The following CCDC178 variants were observed in gnomAD, a reference collection of about 807,000 sequenced individuals.
CCDC178 encodes coiled-coil domain containing 178, also known as coiled-coil domain-containing protein 178.
A neutral mutation model predicts 117.4 loss-of-function variants in CCDC178; 126 were observed. The observed-to-expected ratio is 1.07, with a 90% CI of 0.93 to 1.24. CCDC178 has a LOEUF of 1.24. Among genes scored for constraint, CCDC178 ranks in the 50% most tolerant of loss-of-function variants. The probability of loss-of-function intolerance (pLI) is 0.00; values close to 1 mark genes in which losing one functional copy is unlikely to be tolerated. For missense variants in CCDC178, 1,030 were observed against 986.9 expected, an observed-to-expected ratio of 1.04 and a Z score of -0.59; for synonymous variants, 283 against 313.4, an observed-to-expected ratio of 0.90 and a Z score of 1.02.
chr18:33,290,191 A>G (rs991867479), intron 12 of CCDC178, among the ~76,000 whole-genome samples: 2 of 152,182 alleles, frequency 1.3e-5, no homozygotes, highest in Non-Finnish European at 2.9e-5. Context: ...GTATGCCCAA[A>G]CCAGAGAAAA....
intron 9 of CCDC178, among the ~76,000 whole-genome samples, chr18:33,342,481 C>T (rs2062829221): frequency 6.6e-6 from 1 of 152,166 alleles, no homozygotes. Flanking sequence ...TGTGTCCCCA[C>T]CCAATCTCAA....
intron 12 of CCDC178, among the ~76,000 whole-genome samples, chr18:33,289,897 C>A (rs1210624810): frequency 6.6e-6 from 1 of 152,156 alleles, no homozygotes; most frequent in Middle Eastern, 3.2e-3. Flanking sequence ...TGCTTAACAT[C>A]TGTCAAGTGA....
intron 12 of CCDC178, among the ~76,000 whole-genome samples, chr18:33,278,947 A>G: frequency 6.6e-6 from 1 of 152,152 alleles, no homozygotes; most frequent in Non-Finnish European, 1.5e-5. Flanking sequence ...TATTGATGGG[A>G]TGTATCTCAA....
chr18:33,233,609 G>A (rs1219411033), intron 15 of CCDC178, among the ~76,000 whole-genome samples: 4 of 151,796 alleles, frequency 2.6e-5, no homozygotes, highest in Admixed American at 2.6e-4. Context: ...GAACAACAAA[G>A]GTAGCCTCAC....
intron 21 of CCDC178, among the ~76,000 whole-genome samples, chr18:33,037,751 T>A (rs1001774423): frequency 7.9e-5 from 12 of 151,960 alleles, no homozygotes; most frequent in African/African-American, 2.9e-4. Flanking sequence ...GTGATACTTA[T>A]AAATTTTCGA....
At chr18:33,279,983 T>C (rs1182477912) in intron 12 of CCDC178, among the ~76,000 whole-genome samples, 1 of 151,782 alleles carries the variant, frequency 6.6e-6, no homozygotes, top group African/African-American at 2.4e-5. Flanking sequence ...ATATTAGACC[T>C]AAAACCATAA....
At chr18:33,237,777 A>C (rs2059442796) in intron 15 of CCDC178, among the ~76,000 whole-genome samples, 1 of 146,186 alleles carries the variant, frequency 6.8e-6, no homozygotes, top group African/African-American at 2.7e-5. Flanking sequence ...AGACTGAAAA[A>C]AACAAAAAAA....
intron 20 of CCDC178, among the ~76,000 whole-genome samples, chr18:33,183,068 G>A (rs976608498): frequency 2.2e-4 from 34 of 151,662 alleles, no homozygotes; most frequent in Admixed American, 6.6e-5. Flanking sequence ...TGATAAATCT[G>A]GTTTTTAAAT....
intron 21 of CCDC178, among the ~76,000 whole-genome samples, chr18:32,995,010 G>C (rs1362719755): frequency 6.6e-6 from 1 of 152,192 alleles, no homozygotes; most frequent in East Asian, 1.9e-4. Flanking sequence ...TAGCAGCTCA[G>C]TTATGCCAAG....
intron 21 of CCDC178, among the ~76,000 whole-genome samples, chr18:33,001,631 A>G (rs1015184782): frequency 1.3e-5 from 2 of 152,148 alleles, no homozygotes; most frequent in Non-Finnish European, 2.9e-5. Context: ...AAGACCACAA[A>G]ACAACTAGAG....
intron 20 of CCDC178, among the ~76,000 whole-genome samples, chr18:33,148,868 G>A (rs776825724): frequency 5.9e-5 from 9 of 152,258 alleles, no homozygotes; most frequent in Middle Eastern, 3.4e-3. Context: ...AGGGTCAACC[G>A]TCGCAGTGAC....
At chr18:33,151,105 G>A (rs924650221) in intron 20 of CCDC178, among the ~76,000 whole-genome samples, 5 of 152,254 alleles carry the variant, frequency 3.3e-5, no homozygotes, top group East Asian at 3.9e-4. Context: ...GGCTGGAAGA[G>A]GGTGAGAGAT....
intron 17 of CCDC178, 41 bp from the exon 18 acceptor site, chr18:33,223,260 C>T: frequency 6.5e-7 from 1 of 1,533,374 alleles, no homozygotes; most frequent in Middle Eastern, 1.8e-4. Flanking sequence ...GCATTTGCAA[C>T]CCAGTTATCC....
At chr18:33,407,302 A>C (rs1399814801) in intron 3 of CCDC178, among the ~76,000 whole-genome samples, 1 of 152,194 alleles carries the variant, frequency 6.6e-6, no homozygotes, top group Non-Finnish European at 1.5e-5. Context: ...TTTCAAGGGA[A>C]ACTTACAGCT....
chr18:33,313,984 AG>A (rs2062378943), intron 11 of CCDC178, among the ~76,000 whole-genome samples: 1 of 151,536 alleles, frequency 6.6e-6, no homozygotes, highest in South Asian at 2.1e-4. Flanking sequence ...GCGGATCACG[AG>A]GTCAGGAGAT....
intron 21 of CCDC178, among the ~76,000 whole-genome samples, chr18:33,089,607 T>TA (rs1311427456): frequency 6.6e-6 from 1 of 152,140 alleles, no homozygotes; most frequent in Non-Finnish European, 1.5e-5. Flanking sequence ...TTATATAATT[T>TA]AAAAAATATA....
chr18:33,163,710 T>C (rs1040158872), intron 20 of CCDC178, among the ~76,000 whole-genome samples: 90 of 152,328 alleles, frequency 5.9e-4, no homozygotes, highest in African/African-American at 2.1e-3. Flanking sequence ...TTACTAGTCA[T>C]GAAACTTTGG....
chr18:33,162,589 C>G (rs2058478811), intron 20 of CCDC178, among the ~76,000 whole-genome samples: 2 of 152,102 alleles, frequency 1.3e-5, no homozygotes, highest in South Asian at 4.1e-4. Flanking sequence ...CTCCAAACAT[C>G]CACCCTCAAG....
chr18:33,305,755 TCTC>T lies in CCDC178; in HGVS notation c.1023-12446_1023-12444del, dbSNP rs1469349809. Among the ~76,000 whole-genome samples the T allele has an allele frequency of 8.5e-5, 13 of 152,226 alleles. No individual in the cohort carries two copies. The East Asian group carries it at 2.3e-3, about 27-fold the overall frequency. On this transcript the variant is annotated intron_variant, in intron 11 of 22. Transcript: ENST00000383096. ...AATACTTCCTCCCCCTCCTCCTTCTTCTCCTCCTTGCTGAAGCCCCACAGACAA... is the reference window on the plus strand; with the variant it reads ...AATACTTCCTCCCCCTCCTCCTTCTTCTCCTTGCTGAAGCCCCACAGACAA...
Sources: allele counts gnomAD v4.1 joint callset (sites outside exome capture counted in the v4.1 genomes callset), GRCh38; gene constraint gnomAD v4.1.1; transcripts MANE v1.5; gene names NCBI Gene and HGNC (gene_info 2026-07-23, HGNC 2026-07-21).